Variants in ACOX2 observed in about 807,000 individuals in gnomAD.
ACOX2 encodes peroxisomal acyl-coenzyme A oxidase 2.
A neutral mutation model predicts 77.5 loss-of-function variants in ACOX2; 59 were observed. That is an observed-to-expected ratio of 0.76 (90% CI 0.62 to 0.95). The LOEUF (loss-of-function observed/expected upper bound fraction) is 0.95, where lower values mean the gene tolerates loss of function less well. ACOX2 is among the 40% of genes least tolerant of loss of function. The pLI is 0.00. For missense variants in ACOX2, 837 were observed against 880.4 expected (o/e 0.95, Z 0.62); for synonymous variants, 317 against 340.1 (o/e 0.93, Z 0.75).
intron 13 of ACOX2, among the ~76,000 whole-genome samples, chr3:58,516,091 A>G (rs1446011710): frequency 6.6e-6 from 1 of 152,176 alleles, no homozygotes; most frequent in East Asian, 1.9e-4. Flanking sequence ...ATAGTGTGAA[A>G]GCACTGCATT....
At chr3:58,513,990 G>GA (rs2063305014) in intron 13 of ACOX2, among the ~76,000 whole-genome samples, 1 of 151,996 alleles carries the variant, frequency 6.6e-6, no homozygotes, top group South Asian at 2.1e-4. Flanking sequence ...GAACCAGTGG[G>GA]AAAAAAGGTC....
In ACOX2 at chr3:58,525,739, G is replaced by A. The variant is rs1194636721; in HGVS notation, c.1346+727C>T. ...GTGTGGCCGGCAGAAGTGAGCAGAG[G>A]TGGCTGGGTGCGGTGGCTTGTGCCT... On this transcript the variant is annotated intron_variant, in intron 10 of 14. Transcript: ENST00000302819. This position sits in a 1 kb window ranked among gnomAD's most constrained non-coding sequence, Gnocchi z 5.0. 6.6e-6 allele frequency among the ~76,000 whole-genome samples: 1 copy of A among 152,202 alleles called. No individual in the cohort carries two copies. The highest frequency in any genetic ancestry group is 1.9e-4 in the East Asian group (1 of 5,200).
chr3:58,508,866 A>G (rs1225106840), intron 14 of ACOX2, 27 bp downstream of exon 14: 1 of 1,609,856 alleles, frequency 6.2e-7, no homozygotes, highest in African/African-American at 1.3e-5. Flanking sequence ...TTTCTTACAT[A>G]ATTTATAATG....
chr3:58,524,353 C>T lies in ACOX2; in HGVS notation c.1526+73G>A, dbSNP rs1358181022. ...ACTGAATCCACGAATGTCCACCCAA[C>T]CAATCCAAAGGCCCTAGTGTGGCAT... On this transcript the variant is annotated intron_variant, in intron 11 of 14. Coordinates refer to ENST00000302819, the MANE Select transcript of ACOX2 (RefSeq NM_003500.4). This position sits in a 1 kb window ranked among gnomAD's most constrained non-coding sequence, Gnocchi z 5.5. The T allele has an allele frequency of 6.5e-7, 1 of 1,544,784 alleles. No homozygotes were observed. The highest frequency in any genetic ancestry group is 8.8e-7 in the Non-Finnish European group (1 of 1,137,270).
intron 13 of ACOX2, among the ~76,000 whole-genome samples, chr3:58,513,551 C>A (rs181070525): frequency 6.6e-6 from 1 of 151,228 alleles, no homozygotes; most frequent in African/African-American, 2.4e-5. Flanking sequence ...TTTTTAGGTT[C>A]TCTGAATATT....
At position 58,533,247 on chromosome 3, in the gene ACOX2, A is replaced by G. The variant is rs1350319139; in HGVS notation, c.583+198T>C. On this transcript the variant is annotated intron_variant, in intron 5 of 14. Coordinates refer to ENST00000302819, the MANE Select transcript of ACOX2 (RefSeq NM_003500.4). The surrounding 1 kb of genome is among the most constrained non-coding windows in gnomAD (Gnocchi z 5.6). ...TTTGGGGACTTTCCAGCCACTCACT[A>G]ATGAAATGTTTAATATCCCACCTAT... is the stretch of plus-strand genomic sequence containing the variant. 6.6e-6 allele frequency among the ~76,000 whole-genome samples: 1 copy of G among 152,062 alleles called. No individual in the cohort carries two copies. Among genetic ancestry groups the G allele is most frequent in the East Asian group, 1.9e-4 (1 of 5,170 alleles).
chr3:58,532,845 G>A (rs754027354), intron 5 of ACOX2, among the ~76,000 whole-genome samples: 1 of 152,186 alleles, frequency 6.6e-6, no homozygotes, highest in Non-Finnish European at 1.5e-5. Flanking sequence ...GTCCTTGGAG[G>A]TGAAATTCTC....
At chr3:58,508,282 C>T (rs1422956498) in intron 14 of ACOX2, among the ~76,000 whole-genome samples, 1 of 152,152 alleles carries the variant, frequency 6.6e-6, no homozygotes, top group African/African-American at 2.4e-5. Context: ...GGTGTGCTCT[C>T]CTAGGATGGC....
chr3:58,535,238 G>T lies in ACOX2; in HGVS notation c.-91-41C>A. 1 of 1,166,260 alleles carries T rather than the reference G, an allele frequency of 8.6e-7. No homozygotes were observed. The highest frequency in any genetic ancestry group is 1.2e-6 in the Non-Finnish European group (1 of 808,280). The allele number at this position is 1,166,260 out of a possible 1,614,324, so 72.2% of individuals were successfully genotyped here. On this transcript the variant is annotated intron_variant, in intron 1 of 14. Coordinates refer to ENST00000302819, the MANE Select transcript of ACOX2 (RefSeq NM_003500.4). The surrounding 1 kb of genome is among the most constrained non-coding windows in gnomAD (Gnocchi z 4.8). Reference sequence around the variant, plus strand: ...ACTGCCTAGGGCTGGGTGTCAGCCAGGGCTGGTTGGTAGAAGAAAGACATC... The same window carrying T: ...ACTGCCTAGGGCTGGGTGTCAGCCATGGCTGGTTGGTAGAAGAAAGACATC...
rs2063462859 is a variant in ACOX2 at position 58,534,254 on chromosome 3, CCAA to C, written c.323+103_323+105del. 1.3e-6 allele frequency: 2 copies of C among 1,575,548 alleles called. No homozygotes were observed. Among genetic ancestry groups the C allele is most frequent in the Non-Finnish European group, 1.7e-6 (2 of 1,163,146 alleles). On this transcript the variant is annotated intron_variant, in intron 3 of 14. Transcript: ENST00000302819. The surrounding 1 kb of genome is among the most constrained non-coding windows in gnomAD (Gnocchi z 4.8). ...AAAGGGCACCTAGCATCCTGGTTTC[CCAA>C]CAAGTCTTCCCTTTGTTGGGGGAAA...
chr3:58,528,915 T>G lies in ACOX2; in HGVS notation c.1034A>C (p.Gln345Pro). Residue 345 changes from glutamine to proline, a missense_variant, in exon 9 of 15, where the codon CAG becomes CCG. Transcript: ENST00000302819. The surrounding 1 kb of genome is among the most constrained non-coding windows in gnomAD (Gnocchi z 5.6). ...AKVLDYQTQQ[Q>P]KLFPQLAISY... ...GATGGCCAGCTGAGGAAAGAGTTTC[T>G]GCTGTTGTGTCTGGTAGTCCAGGAC... 1 of 1,613,746 alleles carries G rather than the reference T, an allele frequency of 6.2e-7. No homozygotes were observed. Among genetic ancestry groups the G allele is most frequent in the Non-Finnish European group, 8.5e-7 (1 of 1,179,846 alleles).
At position 58,530,438 on chromosome 3, in the gene ACOX2, C is replaced by T. The variant is rs116728035; in HGVS notation, c.992+28G>A. ...GTGGGACCAAGAGGCAGCATATCTGCGGTAGTCAGTCACTGGGCACCCCTT... is the reference window on the plus strand; with the variant it reads ...GTGGGACCAAGAGGCAGCATATCTGTGGTAGTCAGTCACTGGGCACCCCTT... On this transcript the variant is annotated intron_variant, in intron 8 of 14. Coordinates refer to ENST00000302819, the MANE Select transcript of ACOX2 (RefSeq NM_003500.4). 3.6e-4 allele frequency: 582 copies of T among 1,607,860 alleles called. 5 individuals are homozygous for T. In the African/African-American group the frequency reaches 4.8e-3, roughly 13 times the overall value.
chr3:58,536,111 A>T (rs2063479415), intron 1 of ACOX2, among the ~76,000 whole-genome samples: 3 of 151,386 alleles, frequency 2.0e-5, no homozygotes, highest in Admixed American at 2.0e-4. Flanking sequence ...TACTCCACTC[A>T]CCTCTCTCCT....
At chr3:58,508,421 C>T (rs1476738309) in intron 14 of ACOX2, among the ~76,000 whole-genome samples, 2 of 152,190 alleles carry the variant, frequency 1.3e-5, no homozygotes, top group African/African-American at 4.8e-5. Context: ...AGGGTATCAT[C>T]TCTAGCAGGC....
chr3:58,534,125 G>A lies in ACOX2; in HGVS notation c.344C>T (p.Ala115Val), dbSNP rs752692771. 2 of 1,614,158 alleles carry A rather than the reference G, an allele frequency of 1.2e-6. No individual in the cohort carries two copies. The highest frequency in any genetic ancestry group is 1.7e-6 in the Non-Finnish European group (2 of 1,180,026). ...YAYRALSGDV[A>V]LNIHRVFVRA... Reference sequence around the variant, plus strand: ...CACGAAGACTCTGTGTATATTTAAGGCCACGTCTCCAGAAAGGGCTCTGTT... The same window carrying A: ...CACGAAGACTCTGTGTATATTTAAGACCACGTCTCCAGAAAGGGCTCTGTT... The change falls in exon 4 of 15, where the codon GCC becomes GTC. Residue 115 changes from alanine (A) to valine (V), a missense_variant. By Grantham distance (64) the Ala-to-Val change is moderately conservative. Coordinates refer to ENST00000302819, the MANE Select transcript of ACOX2 (RefSeq NM_003500.4). The surrounding 1 kb of genome is among the most constrained non-coding windows in gnomAD (Gnocchi z 4.8).
intron 12 of ACOX2, among the ~76,000 whole-genome samples, chr3:58,518,075 CAAAAA>C (rs763535906): frequency 5.5e-4 from 26 of 47,688 alleles, no homozygotes; most frequent in East Asian, 6.1e-4. Flanking sequence ...AACTCCATCT[CAAAAA>C]AAAAAAAAAA....
chr3:58,526,761 T>G lies in ACOX2; in HGVS notation c.1156-105A>C, dbSNP rs905278915. ...CATCTACTCATGCCCAGCTCAGCTC[T>G]GAGGTAAGAAGTGTTTCCTCTGCTC... On this transcript the variant is annotated intron_variant, in intron 9 of 14. Coordinates refer to ENST00000302819, the MANE Select transcript of ACOX2 (RefSeq NM_003500.4). The surrounding 1 kb of genome is among the most constrained non-coding windows in gnomAD (Gnocchi z 4.3). 6 of 1,273,756 alleles carry G rather than the reference T, an allele frequency of 4.7e-6. No homozygotes were observed. Among genetic ancestry groups the G allele is most frequent in the Non-Finnish European group, 6.5e-6 (6 of 922,620 alleles). The allele number at this position is 1,273,756 out of a possible 1,614,324, so 78.9% of individuals were successfully genotyped here.
At position 58,526,841 on chromosome 3, in the gene ACOX2, A is replaced by C. The variant is rs979677931; in HGVS notation, c.1156-185T>G. The C allele has an allele frequency of 1.6e-6, 1 of 624,538 alleles. No homozygotes were observed. 38.7% of individuals were successfully genotyped at this position (624,538 alleles called of 1,614,324 possible). A position where few individuals can be genotyped will look rare whatever the true frequency, so the allele number is the denominator to read the frequency against. The stretch of plus-strand genomic sequence containing the variant: ...CAGCTTATGTGACTCACCCAGAGGC[A>C]CACAATTAGGCAATGTAGCTGTAGG... On this transcript the variant is annotated intron_variant, in intron 9 of 14. Transcript: ENST00000302819. This position sits in a 1 kb window ranked among gnomAD's most constrained non-coding sequence, Gnocchi z 4.3.
chr3:58,506,044 G>A (rs1286026776), intron 14 of ACOX2, among the ~76,000 whole-genome samples: 3 of 152,176 alleles, frequency 2.0e-5, no homozygotes, highest in Non-Finnish European at 4.4e-5. Flanking sequence ...ACCCGCCTCA[G>A]CCTCCCAAAG....
Sources: allele counts gnomAD v4.1 joint callset (sites outside exome capture counted in the v4.1 genomes callset), GRCh38; gene constraint gnomAD v4.1.1; non-coding constraint Gnocchi (gnomAD v3.1); transcripts MANE v1.5; gene names NCBI Gene and HGNC (gene_info 2026-07-23, HGNC 2026-07-21).